DNM2: variants seen among roughly 807,000 people sequenced by gnomAD.
The protein encoded by DNM2 is dynamin-2.
A neutral mutation model predicts 99.0 loss-of-function variants in DNM2; 15 were observed. The ratio of observed to expected loss-of-function variants is 0.15; its 90% CI spans 0.10 to 0.23. The LOEUF (loss-of-function observed/expected upper bound fraction) is 0.23, where lower values mean the gene tolerates loss of function less well. Ranked by LOEUF, DNM2 falls within the 10% of genes least tolerant of loss-of-function variation. The pLI is 1.00. For missense variants in DNM2, 742 were observed against 1,189.4 expected, an observed-to-expected ratio of 0.62 and a Z score of 5.53; for synonymous variants, 525 against 481.2, an observed-to-expected ratio of 1.09 and a Z score of -1.19.
At chr19:10,800,946 T>C (rs1396715926) in intron 11 of DNM2, among the ~76,000 whole-genome samples, 1 of 152,248 alleles carries the variant, frequency 6.6e-6, no homozygotes, top group Non-Finnish European at 1.5e-5. Context: ...TGTTTTATTT[T>C]AGTGTTCATA....
At chr19:10,813,159 A>G (rs2072612029) in intron 15 of DNM2, among the ~76,000 whole-genome samples, 1 of 152,188 alleles carries the variant, frequency 6.6e-6, no homozygotes, top group Non-Finnish European at 1.5e-5. Flanking sequence ...GCTTGGCCAC[A>G]GTGTGCAGAA....
At chr19:10,788,740 T>C (rs2071651174) in intron 7 of DNM2, among the ~76,000 whole-genome samples, 1 of 152,198 alleles carries the variant, frequency 6.6e-6, no homozygotes, top group Non-Finnish European at 1.5e-5. Flanking sequence ...CTCTGACCTT[T>C]TGGCTTTTGG....
At chr19:10,777,475 G>A (rs1271498582) in intron 5 of DNM2, among the ~76,000 whole-genome samples, 2 of 152,178 alleles carry the variant, frequency 1.3e-5, no homozygotes, top group East Asian at 1.9e-4. Context: ...AAACTCACCC[G>A]CAGCCACACT....
chr19:10,739,839 G>A (rs1452135655), intron 1 of DNM2, among the ~76,000 whole-genome samples: 1 of 116,994 alleles, frequency 8.5e-6, no homozygotes, highest in Non-Finnish European at 1.6e-5. Flanking sequence ...CTGGGCAACA[G>A]AGCAAGACTC....
At chr19:10,758,539 TC>T (rs577393737) in intron 1 of DNM2, among the ~76,000 whole-genome samples, 1 of 68,514 alleles carries the variant, frequency 1.5e-5, no homozygotes, top group South Asian at 6.3e-4. Context: ...CTCCCCTCCC[TC>T]CCTTCCCTCC....
At chr19:10,732,095 C>T (rs1430586037) in intron 1 of DNM2, among the ~76,000 whole-genome samples, 1 of 151,446 alleles carries the variant, frequency 6.6e-6, no homozygotes, top group African/African-American at 2.4e-5. Context: ...GCTGTGATTA[C>T]AGGCGTGCAC....
chr19:10,787,885 T>G (rs2145984207), intron 7 of DNM2, among the ~76,000 whole-genome samples: 1 of 148,978 alleles, frequency 6.7e-6, no homozygotes, highest in South Asian at 2.1e-4. Context: ...GCCGAGATCG[T>G]GCCATTGCAC....
intron 12 of DNM2, among the ~76,000 whole-genome samples, chr19:10,802,895 C>T (rs979253049): frequency 6.6e-6 from 1 of 152,232 alleles, no homozygotes; most frequent in Non-Finnish European, 1.5e-5. Context: ...ATTCAGTGTG[C>T]GTGGTCTCAG....
intron 11 of DNM2, among the ~76,000 whole-genome samples, chr19:10,799,539 T>TTG (rs1555711520): frequency 3.3e-5 from 5 of 149,656 alleles, no homozygotes; most frequent in African/African-American, 1.2e-4. Context: ...TTTTTGTTTT[T>TTG]TTTTTTTTTT....
In DNM2 at chr19:10,729,089, C is replaced by T. The variant is rs933010751; in HGVS notation, c.161+10686C>T. On this transcript the variant is annotated intron_variant, in intron 1 of 20. Transcript: ENST00000389253. ...TATAGGCAGGAGAATGGCGTGAACC[C>T]GGGAGGCGGAGCTTGCAGTGAGCCG... Among the ~76,000 whole-genome samples the T allele has an allele frequency of 5.8e-5, 6 of 104,070 alleles. No individual in the cohort carries two copies. The Admixed American group carries it at 6.2e-4, about 11-fold the overall frequency. 68.3% of individuals were successfully genotyped at this position (104,070 alleles called of 152,430 possible).
At chr19:10,759,474 GC>G (rs1181310994) in intron 1 of DNM2, among the ~76,000 whole-genome samples, 2 of 152,092 alleles carry the variant, frequency 1.3e-5, no homozygotes, top group African/African-American at 4.8e-5. Flanking sequence ...CAGGGAATGG[GC>G]CCCCTGGGAG....
chr19:10,802,146 C>T (rs1322038558), intron 11 of DNM2, 142 bp from the exon 12 acceptor site: 30 of 791,006 alleles, frequency 3.8e-5, no homozygotes, highest in South Asian at 2.9e-4. Context: ...GTGGGGAGTG[C>T]GACGCCAGCC....
At chr19:10,732,299 GAAAAA>G (rs1161253585) in intron 1 of DNM2, among the ~76,000 whole-genome samples, 3 of 91,030 alleles carry the variant, frequency 3.3e-5, no homozygotes, top group African/African-American at 4.0e-5. Context: ...TCGTTGTGGA[GAAAAA>G]AAAAAAAAAA....
At chr19:10,724,264 G>A (rs962961833) in intron 1 of DNM2, among the ~76,000 whole-genome samples, 8 of 151,984 alleles carry the variant, frequency 5.3e-5, no homozygotes, top group Middle Eastern at 3.2e-3. Flanking sequence ...TGCAACCTCC[G>A]CCTCCCAGGT....
intron 17 of DNM2, chr19:10,824,806 CAA>C: frequency 1.9e-6 from 1 of 527,066 alleles, no homozygotes; most frequent in Non-Finnish European, 3.4e-6. Context: ...AAGACTGTGT[CAA>C]AAAAAAACAA....
At chr19:10,803,827 C>G (rs1021826830) in intron 12 of DNM2, among the ~76,000 whole-genome samples, 1 of 152,162 alleles carries the variant, frequency 6.6e-6, no homozygotes, top group African/African-American at 2.4e-5. Flanking sequence ...GGGCCAGGAC[C>G]TTGACCGCAC....
chr19:10,829,384 G>C, intron 19 of DNM2, 116 bp downstream of exon 19: 1 of 1,337,064 alleles, frequency 7.5e-7, no homozygotes, highest in Non-Finnish European at 1.0e-6. Context: ...TGGCACCCAG[G>C]GCTGGGCACT....
chr19:10,768,863 G>T (rs1454347599), intron 2 of DNM2: 4 of 152,254 alleles, frequency 2.6e-5, no homozygotes, highest in Non-Finnish European at 5.9e-5. Flanking sequence ...GACATTCAAG[G>T]TAAAGCTCTC....
chr19:10,720,704 T>C (rs140004149), intron 1 of DNM2, among the ~76,000 whole-genome samples: 16 of 152,076 alleles, frequency 1.1e-4, no homozygotes, highest in Non-Finnish European at 1.6e-4. Context: ...CCCTCCAGCC[T>C]GGGTGACAGA....
Sources: allele counts gnomAD v4.1 joint callset (sites outside exome capture counted in the v4.1 genomes callset), GRCh38; gene constraint gnomAD v4.1.1; transcripts MANE v1.5; gene names NCBI Gene and HGNC (gene_info 2026-07-23, HGNC 2026-07-21).